The following SPCS3 variants were observed in gnomAD, a reference collection of about 807,000 sequenced individuals.
SPCS3 encodes the protein signal peptidase complex subunit 3, also known as SPase 22 kDa subunit.
A neutral mutation model predicts 17.2 loss-of-function variants in SPCS3; 9 were observed. The observed-to-expected ratio is 0.52, with a 90% confidence interval of 0.31 to 0.91. SPCS3 has a LOEUF of 0.91. Among genes scored for constraint, SPCS3 ranks in the 40% least tolerant of loss-of-function variants. SPCS3 has a pLI of 0.04. For synonymous variants in SPCS3, 87 were observed against 89.6 expected, an observed-to-expected ratio of 0.97 and a Z score of 0.16; for missense variants, 139 against 217.5, an observed-to-expected ratio of 0.64 and a Z score of 2.27.
At chr4:176,322,773 T>C (rs1202467386) in intron 2 of SPCS3, among the ~76,000 whole-genome samples, 6 of 152,296 alleles carry the variant, frequency 3.9e-5, no homozygotes, top group Admixed American at 6.5e-5. Flanking sequence ...TCAGAAAATA[T>C]TAACAATTAT....
At chr4:176,320,303 C>CGG in intron 1 of SPCS3, 84 bp downstream of exon 1, 1 of 1,206,214 alleles carries the variant, frequency 8.3e-7, no homozygotes. Context: ...CCGGGGCTGC[C>CGG]GTGCCGGGGC....
Position 176,320,020 on chromosome 4 carries a change from G to A in SPCS3, c.-57G>A. On this transcript the variant is annotated 5_prime_UTR_variant, in exon 1 of 5. Coordinates refer to ENST00000503362, the MANE Select transcript of SPCS3 (RefSeq NM_021928.4). ...GCGGATCGCAGGGAGCCGGTCCGCC[G>A]CCGGAACGGGAGCCTGGGTGTGCGT... The A allele has an allele frequency of 4.9e-6, 7 of 1,425,478 alleles. No individual in the cohort carries two copies. In the East Asian group the frequency reaches 1.5e-4, roughly 30 times the overall value. 88.3% of individuals were successfully genotyped at this position (1,425,478 alleles called of 1,614,324 possible). A position where few individuals can be genotyped will look rare whatever the true frequency, so the allele number is the denominator to read the frequency against.
Position 176,328,317 on chromosome 4 carries a change from C to T in SPCS3, c.530C>T (p.Thr177Met), listed in dbSNP as rs755130038. ...SVPFPDTYEI[T>M]KSY ...CCATTTCCAGATACATATGAAATAA[C>T]GAAGAGTTATTAAATTATTCTGAAT... is the stretch of plus-strand genomic sequence containing the variant. Residue 177 changes from threonine (T) to methionine (M), a missense_variant, in exon 5 of 5, where the codon ACG becomes ATG. Thr to Met is a moderately conservative substitution (Grantham distance 81, BLOSUM62 -1). Coordinates refer to ENST00000503362, the MANE Select transcript of SPCS3 (RefSeq NM_021928.4). 9.4e-6 allele frequency: 15 copies of T among 1,592,284 alleles called. No individual in the cohort carries two copies. The highest frequency in any genetic ancestry group is 1.7e-4 in the Middle Eastern group (1 of 5,990).
chr4:176,329,840 C>T lies in SPCS3; in HGVS notation c.*1510C>T, dbSNP rs1250150786. On this transcript the variant is annotated 3_prime_UTR_variant, in exon 5 of 5. Coordinates refer to ENST00000503362, the MANE Select transcript of SPCS3 (RefSeq NM_021928.4). The stretch of plus-strand genomic sequence containing the variant: ...TATTTTCTAAGAATAGTTTAAATTA[C>T]AGACATTTGTTATATTTACCTTATG... The T allele has an allele frequency of 2.0e-5, 3 of 152,102 alleles. No individual in the cohort carries two copies. The highest frequency in any genetic ancestry group is 3.9e-4 in the East Asian group (2 of 5,188). 9.4% of individuals were successfully genotyped at this position (152,102 alleles called of 1,614,324 possible). A position where few individuals can be genotyped will look rare whatever the true frequency, so the allele number is the denominator to read the frequency against.
At chr4:176,321,707 A>G (rs1266572513) in intron 1 of SPCS3, 1 of 152,700 alleles carries the variant, frequency 6.5e-6, no homozygotes, top group Non-Finnish European at 1.5e-5. Context: ...TTCTCTCAAA[A>G]TAACTTATTT....
At chr4:176,327,125 C>T (rs781343923) in intron 3 of SPCS3, 37 bp from the exon 4 acceptor site, 14 of 1,219,764 alleles carry the variant, frequency 1.1e-5, no homozygotes, top group African/African-American at 7.8e-5. Flanking sequence ...GATGGTATTT[C>T]TGATGAGTTA....
rs1226285751 is a variant in SPCS3 at position 176,328,141 on chromosome 4, A to T, written c.411-57A>T. 7.1e-6 allele frequency: 11 copies of T among 1,554,644 alleles called. No homozygotes were observed. In the African/African-American group the frequency reaches 9.7e-5, roughly 14 times the overall value. ...TTGACATCTCAGTGTTTGTCTTAAA[A>T]TTTTTTTTGAACTACTAGTGTCTCT... On this transcript the variant is annotated intron_variant, in intron 4 of 4. Transcript: ENST00000503362.
At position 176,324,209 on chromosome 4, in the gene SPCS3, TA is replaced by T; in HGVS notation, c.248del (p.Lys83SerfsTer18). ...TAGAGAATATATTTGATTGGAATGTTAAGCAGTTGTTTCTTTATTTATCAGC... is the reference window on the plus strand; with the variant it reads ...TAGAGAATATATTTGATTGGAATGTTAGCAGTTGTTTCTTTATTTATCAGC... Reference protein sequence around the residue: ...DLENIFDWNVKQLFLYLSAEY... With the variant: ...DLENIFDWNVXQLFLYLSAEY... On this transcript the variant is annotated frameshift_variant, in exon 3 of 5. Transcript: ENST00000503362. LOFTEE classifies it high-confidence loss of function. 8.5e-7 allele frequency: 1 copy of T among 1,182,788 alleles called. No individual in the cohort carries two copies. 73.3% of individuals were successfully genotyped at this position (1,182,788 alleles called of 1,614,324 possible).
At chr4:176,325,862 GC>G (rs1208733402) in intron 3 of SPCS3, among the ~76,000 whole-genome samples, 3 of 151,928 alleles carry the variant, frequency 2.0e-5, no homozygotes, top group Non-Finnish European at 4.4e-5. Context: ...CCCTGCCTCA[GC>G]CCCCCAAGTA....
rs565216067 is a variant in SPCS3, at chr4:176,329,076, A to C, written c.*746A>C. 9.9e-5 allele frequency: 15 copies of C among 152,198 alleles called. No homozygotes were observed. In the East Asian group the frequency reaches 2.7e-3, roughly 27 times the overall value. The allele number at this position is 152,198 out of a possible 1,614,324, so 9.4% of individuals were successfully genotyped here. On this transcript the variant is annotated 3_prime_UTR_variant, in exon 5 of 5. Coordinates refer to ENST00000503362, the MANE Select transcript of SPCS3 (RefSeq NM_021928.4). Reference sequence around the variant, plus strand: ...TTTTTTTTTTAGCGTTGCCATTGAAAGTTAAAATGTTTGCATGGTTTACCC... The same window carrying C: ...TTTTTTTTTTAGCGTTGCCATTGAACGTTAAAATGTTTGCATGGTTTACCC...
At chr4:176,327,367 G>GT in intron 4 of SPCS3, 90 bp downstream of exon 4, 1 of 789,004 alleles carries the variant, frequency 1.3e-6, no homozygotes, top group Non-Finnish European at 1.9e-6. Context: ...ATACTTGAGA[G>GT]TAAAAGGAGA....
intron 3 of SPCS3, among the ~76,000 whole-genome samples, chr4:176,325,766 G>A (rs546398985): frequency 1.3e-5 from 2 of 151,642 alleles, no homozygotes; most frequent in South Asian, 4.2e-4. Context: ...TTTTTAACAC[G>A]GAGTTTTACT....
intron 4 of SPCS3, 82 bp downstream of exon 4, chr4:176,327,359 A>C: frequency 1.2e-6 from 1 of 864,628 alleles, no homozygotes; most frequent in Non-Finnish European, 1.7e-6. Flanking sequence ...AAAGAAAAAT[A>C]CTTGAGAGTA....
At chr4:176,327,348 T>A in intron 4 of SPCS3, 71 bp downstream of exon 4, 3 of 936,376 alleles carry the variant, frequency 3.2e-6, no homozygotes, top group Non-Finnish European at 1.5e-6. Context: ...ATTTTTATTT[T>A]AAAGAAAAAT....
Position 176,327,295 on chromosome 4 carries a change from A to T in SPCS3, c.410+18A>T, listed in dbSNP as rs13104798. On this transcript the variant is annotated intron_variant, in intron 4 of 4. Transcript: ENST00000503362. Reference sequence around the variant, plus strand: ...GGTCTCAAGTGAGCAATTCTTGGTCATTTTTTTACATTTAATAAGAGGTGA... The same window carrying T: ...GGTCTCAAGTGAGCAATTCTTGGTCTTTTTTTTACATTTAATAAGAGGTGA... The T allele has an allele frequency of 0.11, 144,280 of 1,372,054 alleles. 8,250 individuals are homozygous for T. Among genetic ancestry groups the T allele is most frequent in the Non-Finnish European group, 0.12 (116,524 of 1,011,378 alleles). 85.0% of individuals were successfully genotyped at this position (1,372,054 alleles called of 1,614,324 possible).
intron 3 of SPCS3, 94 bp downstream of exon 3, chr4:176,324,351 C>A: frequency 5.1e-6 from 3 of 585,454 alleles, no homozygotes; most frequent in Non-Finnish European, 7.3e-6. Context: ...AATATCTGAC[C>A]TGAGTTACCT....
intron 2 of SPCS3, among the ~76,000 whole-genome samples, 170 bp downstream of exon 2, chr4:176,322,413 G>A (rs185404704): frequency 1.3e-5 from 2 of 152,228 alleles, no homozygotes; most frequent in African/African-American, 4.8e-5. Context: ...GACACTTGGA[G>A]AAAACTTCAT....
In SPCS3 at chr4:176,327,156, A is replaced by T. The variant is rs1248718616; in HGVS notation, c.295-6A>T. On this transcript the variant is annotated splice_polypyrimidine_tract_variant and splice_region_variant and intron_variant, in intron 3 of 4. Transcript: ENST00000503362. ...AGTTATCTAATTAATTTTCATTTTA[A>T]TATAGGCTCTGAACCAAGTTGTCCT... 6.6e-7 allele frequency: 1 copy of T among 1,519,198 alleles called. No homozygotes were observed. The highest frequency in any genetic ancestry group is 2.3e-5 in the East Asian group (1 of 42,692). The allele number at this position is 1,519,198 out of a possible 1,614,324, so 94.1% of individuals were successfully genotyped here.
chr4:176,323,031 A>T (rs1206974532), intron 2 of SPCS3, among the ~76,000 whole-genome samples: 1 of 152,156 alleles, frequency 6.6e-6, no homozygotes, highest in East Asian at 1.9e-4. Context: ...GTTAAAGCTG[A>T]TCATATACTT....
Sources: allele counts gnomAD v4.1 joint callset (sites outside exome capture counted in the v4.1 genomes callset), GRCh38; gene constraint gnomAD v4.1.1; transcripts MANE v1.5; gene names NCBI Gene and HGNC (gene_info 2026-07-23, HGNC 2026-07-21).